Variants in NEDD9 observed in about 807,000 individuals in gnomAD.
NEDD9 encodes the protein enhancer of filamentation 1.
Under a neutral mutation model 76.6 loss-of-function variants are expected in NEDD9, and 26 were observed. That is an observed-to-expected ratio of 0.34 (90% CI 0.25 to 0.47). The LOEUF is 0.47. Among genes scored for constraint, NEDD9 ranks in the 20% least tolerant of loss-of-function variants. The probability of loss-of-function intolerance (pLI) is 1.00; values close to 1 mark genes in which losing one functional copy is unlikely to be tolerated. For synonymous variants in NEDD9, 392 were observed against 414.2 expected (o/e 0.95, Z 0.65); for missense variants, 937 against 1,058.5 (o/e 0.89, Z 1.59).
chr6:11,279,079 G>A (rs1025343699), intron 3 of NEDD9, among the ~76,000 whole-genome samples: 2 of 152,148 alleles, frequency 1.3e-5, no homozygotes, highest in African/African-American at 4.8e-5. Flanking sequence ...CAATATACTT[G>A]ATTGAAGTAA....
At chr6:11,310,081 G>A (rs1761322014) in intron 2 of NEDD9, among the ~76,000 whole-genome samples, 1 of 152,168 alleles carries the variant, frequency 6.6e-6, no homozygotes, top group Admixed American at 6.5e-5. Flanking sequence ...CATGCTCTGA[G>A]CGTTGTGGCA....
chr6:11,204,598 T>C lies in NEDD9; in HGVS notation c.459+8683A>G, dbSNP rs182812640. On this transcript the variant is annotated intron_variant, in intron 2 of 6. Transcript: ENST00000379446. ...AGCCAGGCATGGTAGTGCGCACCCATAGTCCCAGCTACTCGGGAGGCTAAG... is the reference window on the plus strand; with the variant it reads ...AGCCAGGCATGGTAGTGCGCACCCACAGTCCCAGCTACTCGGGAGGCTAAG... Among the ~76,000 whole-genome samples the C allele has an allele frequency of 5.2e-4, 78 of 151,102 alleles. 1 individual carries two copies. The highest frequency in any genetic ancestry group is 1.9e-3 in the African/African-American group (78 of 41,154).
At chr6:11,331,769 C>T (rs1157996757) in intron 2 of NEDD9, among the ~76,000 whole-genome samples, 6 of 152,126 alleles carry the variant, frequency 3.9e-5, no homozygotes, top group Admixed American at 1.3e-4. Context: ...TTAAACCTCA[C>T]GGGTAAGTTT....
At chr6:11,379,199 C>A (rs1194551053) in intron 1 of NEDD9, among the ~76,000 whole-genome samples, 1 of 152,210 alleles carries the variant, frequency 6.6e-6, no homozygotes, top group Non-Finnish European at 1.5e-5. Flanking sequence ...TCTAGTGGGG[C>A]TTTCCTAGTC....
chr6:11,374,583 A>G (rs1762941641), intron 1 of NEDD9, among the ~76,000 whole-genome samples: 1 of 152,244 alleles, frequency 6.6e-6, no homozygotes, highest in South Asian at 2.1e-4. Flanking sequence ...CATGGACACT[A>G]CTATTTGATA....
chr6:11,210,766 GGAGA>G (rs147934321), intron 2 of NEDD9, among the ~76,000 whole-genome samples: 28 of 121,930 alleles, frequency 2.3e-4, no homozygotes, highest in East Asian at 1.3e-3. Flanking sequence ...AGGGATGGGG[GGAGA>G]GAGAGAGAGA....
chr6:11,224,997 C>T (rs911122793), intron 1 of NEDD9, among the ~76,000 whole-genome samples: 1 of 152,172 alleles, frequency 6.6e-6, no homozygotes, highest in Non-Finnish European at 1.5e-5. Context: ...ATGCACAATG[C>T]CTTAAGAAGT....
chr6:11,323,700 ATG>A (rs1761862204), intron 2 of NEDD9, among the ~76,000 whole-genome samples: 1 of 152,242 alleles, frequency 6.6e-6, no homozygotes, highest in Non-Finnish European at 1.5e-5. Flanking sequence ...AGACTTAGTC[ATG>A]GGTGATAGAA....
chr6:11,361,503 G>A (rs1045503922), intron 1 of NEDD9, among the ~76,000 whole-genome samples: 1 of 152,016 alleles, frequency 6.6e-6, no homozygotes, highest in Non-Finnish European at 1.5e-5. Flanking sequence ...TACACAACCA[G>A]ATCTCACAAG....
At chr6:11,358,653 G>T (rs1383341224) in intron 1 of NEDD9, among the ~76,000 whole-genome samples, 1 of 152,176 alleles carries the variant, frequency 6.6e-6, no homozygotes, top group Non-Finnish European at 1.5e-5. Flanking sequence ...CAGGGTGGTT[G>T]GAGGAAGGAA....
Position 11,210,827 on chromosome 6 carries a change from A to G in NEDD9, c.459+2454T>C, listed in dbSNP as rs1056637616. 2.0e-5 allele frequency among the ~76,000 whole-genome samples: 3 copies of G among 150,538 alleles called. No homozygotes were observed. In the East Asian group the frequency reaches 6.0e-4, roughly 30 times the overall value. Reference sequence around the variant, plus strand: ...GAAGTGAGGAAGGGAGTGAAAAGAAAGGAAGAGGCAACCACACTCCCATGG... The same window carrying G: ...GAAGTGAGGAAGGGAGTGAAAAGAAGGGAAGAGGCAACCACACTCCCATGG... On this transcript the variant is annotated intron_variant, in intron 2 of 6. Transcript: ENST00000379446.
intron 1 of NEDD9, among the ~76,000 whole-genome samples, chr6:11,218,058 G>A (rs1013682609): frequency 1.6e-4 from 24 of 152,304 alleles, no homozygotes; most frequent in African/African-American, 5.3e-4. Context: ...ATGTGCTTAC[G>A]CTCTACAGGA....
At chr6:11,317,578 G>T (rs1761611835) in intron 2 of NEDD9, among the ~76,000 whole-genome samples, 1 of 152,148 alleles carries the variant, frequency 6.6e-6, no homozygotes, top group Admixed American at 6.5e-5. Flanking sequence ...ATTAGATTAT[G>T]CAGATTCTTG....
intron 1 of NEDD9, among the ~76,000 whole-genome samples, chr6:11,361,893 G>C (rs774647626): frequency 2.9e-4 from 44 of 152,168 alleles, no homozygotes; most frequent in Admixed American, 2.0e-3. Context: ...TGTGAGCTGA[G>C]CCTGGCATAT....
chr6:11,311,654 A>G (rs1023039731), intron 2 of NEDD9, among the ~76,000 whole-genome samples: 9 of 152,246 alleles, frequency 5.9e-5, no homozygotes, highest in African/African-American at 2.2e-4. Flanking sequence ...AAAAAGAAGG[A>G]AGTAACATGT....
At chr6:11,337,572 C>T (rs532666772) in intron 1 of NEDD9, among the ~76,000 whole-genome samples, 31 of 152,292 alleles carry the variant, frequency 2.0e-4, no homozygotes, top group African/African-American at 7.2e-4. Context: ...GTCCTATATA[C>T]GGTCTGTTGT....
rs1279933545 is a variant in NEDD9, at chr6:11,370,903, G to A, written c.-214+11236C>T. 1.3e-5 allele frequency among the ~76,000 whole-genome samples: 2 copies of A among 152,122 alleles called. No individual in the cohort carries two copies. Among genetic ancestry groups the A allele is most frequent in the Non-Finnish European group, 2.9e-5 (2 of 68,008 alleles). On this transcript the variant is annotated intron_variant, in intron 1 of 3. Transcript: ENST00000397378. This position sits in a 1 kb window ranked among gnomAD's most constrained non-coding sequence, Gnocchi z 4.2. ...CGGGGAGGGTGACAGAGGTGACCCC[G>A]TGGCCATTTTGCATGGCATGTGAGG...
chr6:11,266,819 GTC>G (rs1345532079), intron 3 of NEDD9, among the ~76,000 whole-genome samples: 1 of 152,182 alleles, frequency 6.6e-6, no homozygotes, highest in Admixed American at 6.5e-5. Context: ...GCTATTTGAA[GTC>G]TCTGGAAAAC....
At chr6:11,188,457 A>T in intron 5 of NEDD9, 150 bp from the exon 6 acceptor site, 1 of 702,842 alleles carries the variant, frequency 1.4e-6, no homozygotes. Context: ...ACCCTAGACG[A>T]CAGGGGTGGC....
Sources: gnomAD v4.1 joint callset for allele counts (sites outside exome capture counted in the v4.1 genomes callset) on GRCh38, gnomAD v4.1.1 for gene constraint, Gnocchi (gnomAD v3.1) non-coding constraint, MANE v1.5 for transcripts, NCBI Gene and HGNC (gene_info 2026-07-23, HGNC 2026-07-21) for gene names.